The following RNLS variants were observed in gnomAD, a reference collection of about 807,000 sequenced individuals.
RNLS encodes the protein renalase.
RNLS carries 39 observed loss-of-function variants against 39.8 expected under a neutral mutation model. That is an observed-to-expected ratio of 0.98 (90% CI 0.76 to 1.28). The LOEUF (loss-of-function observed/expected upper bound fraction) is 1.28. Ranked by LOEUF, RNLS falls within the 50% of genes most tolerant of loss-of-function variation. The pLI is 0.00. For missense variants in RNLS, 410 were observed against 413.3 expected (o/e 0.99, Z 0.07); for synonymous variants, 147 against 150.7 (o/e 0.98, Z 0.18).
chr10:88,275,154 G>C, intron 6 of RNLS: 2 of 733,100 alleles, frequency 2.7e-6, no homozygotes, highest in East Asian at 2.8e-5. Flanking sequence ...GGAATGGGGA[G>C]GGTTCTGGCT....
intron 4 of RNLS, among the ~76,000 whole-genome samples, chr10:88,382,368 C>T (rs573183998): frequency 6.6e-6 from 1 of 152,166 alleles, no homozygotes; most frequent in East Asian, 1.9e-4. Context: ...GTTAAACACT[C>T]ATCACATTAT....
chr10:88,335,519 C>T (rs950164084), intron 5 of RNLS, among the ~76,000 whole-genome samples: 1 of 152,180 alleles, frequency 6.6e-6, no homozygotes, highest in African/African-American at 2.4e-5. Flanking sequence ...CACACCCAGC[C>T]CCTCTTTTAC....
the RNLS span, among the ~76,000 whole-genome samples, chr10:88,192,743 A>T: frequency 6.6e-6 from 1 of 152,178 alleles, no homozygotes; most frequent in Non-Finnish European, 1.5e-5. Context: ...GTTCTCAGGG[A>T]CTGCTTATCC....
At chr10:88,540,990 CAAAAAAA>C in intron 4 of RNLS, among the ~76,000 whole-genome samples, 1 of 131,964 alleles carries the variant, frequency 7.6e-6, no homozygotes, top group East Asian at 2.2e-4. Flanking sequence ...TCCTTACTGC[CAAAAAAA>C]AAAAAAAAGT....
At chr10:88,268,445 C>G in the RNLS span, among the ~76,000 whole-genome samples, 2 of 152,172 alleles carry the variant, frequency 1.3e-5, no homozygotes, top group East Asian at 3.8e-4. Context: ...TAGACATGGC[C>G]AAACCATGCA....
intron 4 of RNLS, among the ~76,000 whole-genome samples, chr10:88,502,417 C>CTAA (rs1845556200): frequency 6.6e-6 from 1 of 151,936 alleles, no homozygotes; most frequent in Non-Finnish European, 1.5e-5. Flanking sequence ...GCATGGCTTC[C>CTAA]CAGGTTTATC....
chr10:88,324,026 A>C (rs1283244054), intron 5 of RNLS, among the ~76,000 whole-genome samples: 1 of 152,302 alleles, frequency 6.6e-6, no homozygotes, highest in Non-Finnish European at 1.5e-5. Flanking sequence ...TCAAAATCGC[A>C]ATGAGTTACC....
At chr10:88,352,998 A>C (rs966331815) in intron 5 of RNLS, among the ~76,000 whole-genome samples, 2 of 152,168 alleles carry the variant, frequency 1.3e-5, no homozygotes, top group Non-Finnish European at 2.9e-5. Flanking sequence ...AGAGGTGTTT[A>C]TAGTATTCTG....
chr10:88,220,130 T>A, the RNLS span, among the ~76,000 whole-genome samples: 1 of 152,212 alleles, frequency 6.6e-6, no homozygotes, highest in Non-Finnish European at 1.5e-5. Context: ...CAGTTCCCGA[T>A]TCACAGTTGA....
the RNLS span, among the ~76,000 whole-genome samples, chr10:88,255,611 C>CA: frequency 6.6e-6 from 1 of 152,328 alleles, no homozygotes; most frequent in African/African-American, 2.4e-5. Flanking sequence ...CTAAGTAAAG[C>CA]AAATGCACAA....
intron 4 of RNLS, among the ~76,000 whole-genome samples, chr10:88,481,156 T>C (rs1463364970): frequency 6.6e-6 from 1 of 152,190 alleles, no homozygotes; most frequent in Non-Finnish European, 1.5e-5. Context: ...GGTTACTGTT[T>C]GCATAATATA....
rs991568948 is a variant in RNLS, at chr10:88,427,317, T to A, written c.527-64592A>T. Among the ~76,000 whole-genome samples the A allele has an allele frequency of 2.6e-5, 4 of 152,000 alleles. No individual in the cohort carries two copies. The East Asian group carries it at 5.8e-4, about 22-fold the overall frequency. On this transcript the variant is annotated intron_variant, in intron 4 of 6. Transcript: ENST00000331772. ...TCAGGGTATGGCATTGAGGGGTAAG[T>A]CTATATTTCTTTGACAGGGTGGCTG...
At chr10:88,424,575 T>C (rs575833603) in intron 4 of RNLS, among the ~76,000 whole-genome samples, 1 of 152,198 alleles carries the variant, frequency 6.6e-6, no homozygotes, top group East Asian at 1.9e-4. Flanking sequence ...CCCACACCAA[T>C]CATAAAGTGT....
intron 6 of RNLS, among the ~76,000 whole-genome samples, chr10:88,278,200 T>C (rs1842881973): frequency 6.6e-6 from 1 of 152,198 alleles, no homozygotes; most frequent in African/African-American, 2.4e-5. Flanking sequence ...TCTCAATTTC[T>C]CAATTAGGTG....
chr10:88,472,706 T>C (rs1353309146), intron 4 of RNLS, among the ~76,000 whole-genome samples: 2 of 152,194 alleles, frequency 1.3e-5, no homozygotes, highest in African/African-American at 4.8e-5. Flanking sequence ...ACTATTTGTC[T>C]TCATAGTGTG....
At chr10:88,574,069 A>G (rs1850016960) in intron 3 of RNLS, among the ~76,000 whole-genome samples, 2 of 152,168 alleles carry the variant, frequency 1.3e-5, no homozygotes, top group South Asian at 4.1e-4. Context: ...TGAACTCGGG[A>G]GGCAGAGGTT....
intron 4 of RNLS, among the ~76,000 whole-genome samples, chr10:88,408,989 A>C (rs1411463384): frequency 2.0e-5 from 3 of 152,160 alleles, no homozygotes; most frequent in Non-Finnish European, 4.4e-5. Flanking sequence ...AATGTAATTT[A>C]AATAACTAGC....
chr10:88,471,604 G>C (rs1401608567), intron 4 of RNLS, among the ~76,000 whole-genome samples: 1 of 152,202 alleles, frequency 6.6e-6, no homozygotes, highest in African/African-American at 2.4e-5. Flanking sequence ...CAGGCTTGAT[G>C]ATTCATGAGA....
intron 4 of RNLS, among the ~76,000 whole-genome samples, chr10:88,471,692 A>T (rs899184654): frequency 6.6e-6 from 1 of 152,198 alleles, no homozygotes; most frequent in Non-Finnish European, 1.5e-5. Flanking sequence ...GATTAAAATT[A>T]GCAAAGGAAA....
Sources: allele counts gnomAD v4.1 joint callset (sites outside exome capture counted in the v4.1 genomes callset), GRCh38; gene constraint gnomAD v4.1.1; transcripts MANE v1.5; gene names NCBI Gene and HGNC (gene_info 2026-07-23, HGNC 2026-07-21).